The following PCLAF variants were observed in gnomAD, a reference collection of about 807,000 sequenced individuals.
The protein encoded by PCLAF is PCNA clamp associated factor.
A neutral mutation model predicts 15.1 loss-of-function variants in PCLAF; 12 were observed. That is an observed-to-expected ratio of 0.79 (90% CI 0.51 to 1.29). The LOEUF (loss-of-function observed/expected upper bound fraction) is 1.29. Ranked by LOEUF, PCLAF falls within the 50% of genes most tolerant of loss-of-function variation. The probability of loss-of-function intolerance (pLI) is 0.00; values close to 1 mark genes in which losing one functional copy is unlikely to be tolerated. For missense variants in PCLAF, 116 were observed against 130.9 expected, an observed-to-expected ratio of 0.89 and a Z score of 0.56; for synonymous variants, 33 against 47.1, an observed-to-expected ratio of 0.70 and a Z score of 1.22.
intron 2 of PCLAF, among the ~76,000 whole-genome samples, chr15:64,378,548 T>C (rs964780818): frequency 5.3e-5 from 8 of 152,168 alleles, no homozygotes; most frequent in Admixed American, 1.3e-4. Context: ...GAATGGCATA[T>C]AAAAGATAGT....
At chr15:64,382,252 T>G (rs1458031593), upstream of PCLAF, among the ~76,000 whole-genome samples, 1 of 151,146 alleles carries the variant, frequency 6.6e-6, no homozygotes, top group Non-Finnish European at 1.5e-5. Flanking sequence ...ATTAGCCGGG[T>G]GCAGTGGCAT....
rs577460790 is a variant in PCLAF at position 64,379,708 on chromosome 15, G to A, written c.127+1250C>T. Among the ~76,000 whole-genome samples the A allele has an allele frequency of 2.6e-5, 4 of 152,182 alleles. No individual in the cohort carries two copies. In the South Asian group the frequency reaches 6.2e-4, roughly 24 times the overall value. Reference sequence around the variant, plus strand: ...TATGTTCTTAATTAAATCTTGTAGCGTTAATCTCCCTGTCTGCCAAATTTC... The same window carrying A: ...TATGTTCTTAATTAAATCTTGTAGCATTAATCTCCCTGTCTGCCAAATTTC... On this transcript the variant is annotated intron_variant, in intron 2 of 3. Transcript: ENST00000300035.
chr15:64,370,673 G>A (rs1899254948), intron 3 of PCLAF, among the ~76,000 whole-genome samples: 2 of 151,878 alleles, frequency 1.3e-5, no homozygotes, highest in African/African-American at 2.4e-5. Flanking sequence ...CCAGGCTGGA[G>A]TGTCTATTTC....
At chr15:64,380,807 C>G (rs908410430) in intron 2 of PCLAF, 151 bp downstream of exon 2, 1 of 623,536 alleles carries the variant, frequency 1.6e-6, no homozygotes. Context: ...CACCTCTACC[C>G]TAGCCGGCCA....
At chr15:64,377,896 C>T (rs910422013) in intron 2 of PCLAF, among the ~76,000 whole-genome samples, 6 of 150,566 alleles carry the variant, frequency 4.0e-5, no homozygotes, top group Admixed American at 1.3e-4. Flanking sequence ...GGATTACAGG[C>T]GCCCGCCACC....
rs1359509898 is a variant in PCLAF, at chr15:64,380,868, G to GT, written c.127+89dup. ...CACAGGGCAAGGAAGAAATTCGGGC[G>GT]TGAGTACCTCAAGAAAAAGAAATTC... On this transcript the variant is annotated intron_variant, in intron 2 of 3. Transcript: ENST00000300035. The GT allele has an allele frequency of 3.6e-6, 4 of 1,100,270 alleles. No homozygotes were observed. In the Middle Eastern group the frequency reaches 6.1e-4, roughly 169 times the overall value. The allele number at this position is 1,100,270 out of a possible 1,614,324, so 68.2% of individuals were successfully genotyped here. A position where few individuals can be genotyped will look rare whatever the true frequency, so the allele number is the denominator to read the frequency against.
chr15:64,367,362 G>A (rs1191722193), intron 3 of PCLAF, among the ~76,000 whole-genome samples: 1 of 150,598 alleles, frequency 6.6e-6, no homozygotes, highest in East Asian at 2.0e-4. Context: ...AATTAGCCGG[G>A]CATGGTAGCA....
At chr15:64,373,419 A>C in intron 3 of PCLAF, 1 of 346,698 alleles carries the variant, frequency 2.9e-6, no homozygotes, top group Non-Finnish European at 5.1e-6. Context: ...TTTCCTTGCC[A>C]CATTGAACTT....
At chr15:64,371,664 C>T (rs903761615) in intron 3 of PCLAF, among the ~76,000 whole-genome samples, 4 of 152,054 alleles carry the variant, frequency 2.6e-5, no homozygotes, top group African/African-American at 9.7e-5. Flanking sequence ...AGTGCAGTGG[C>T]GCAATCTTGG....
At chr15:64,385,044 C>T (rs1033642538), upstream of PCLAF, among the ~76,000 whole-genome samples, 1 of 151,920 alleles carries the variant, frequency 6.6e-6, no homozygotes, top group Non-Finnish European at 1.5e-5. Context: ...CTTGCCACCA[C>T]ACCTAGCTAA....
At chr15:64,386,764 A>G (rs1447469037) in intron 1 of PCLAF, among the ~76,000 whole-genome samples, 1 of 152,134 alleles carries the variant, frequency 6.6e-6, no homozygotes, top group Non-Finnish European at 1.5e-5. Flanking sequence ...TTTAATTATA[A>G]TATTTATGCC....
chr15:64,373,814 A>G (rs1485586968), intron 3 of PCLAF: 2 of 1,521,740 alleles, frequency 1.3e-6, no homozygotes, highest in Non-Finnish European at 1.8e-6. Context: ...GGGGCATCAT[A>G]ATGGCAGTGA....
chr15:64,374,294 C>T (rs1899493416), intron 3 of PCLAF, among the ~76,000 whole-genome samples: 1 of 152,164 alleles, frequency 6.6e-6, no homozygotes. Flanking sequence ...GTAATCCCAG[C>T]ACTTTGGGAG....
chr15:64,384,119 C>T (rs1899887982), upstream of PCLAF, among the ~76,000 whole-genome samples: 1 of 152,134 alleles, frequency 6.6e-6, no homozygotes, highest in Non-Finnish European at 1.5e-5. Context: ...AATACAATTT[C>T]TGCCTAAATT....
chr15:64,381,503 C>T (rs529794721), upstream of PCLAF: 52 of 1,563,392 alleles, frequency 3.3e-5, no homozygotes, highest in Non-Finnish European at 4.1e-5. Context: ...CAAGGTCTCT[C>T]CCGAGCCACC....
chr15:64,365,876 CACA>C lies in PCLAF; in HGVS notation c.*151_*153del. On this transcript the variant is annotated 3_prime_UTR_variant, in exon 4 of 4. Coordinates refer to ENST00000300035, the MANE Select transcript of PCLAF (RefSeq NM_014736.6). Reference sequence around the variant, plus strand: ...ATTAGTCTTACAAATTCTCAAATTTCACAACTACTTTTGAACATCTAAATTTAA... The same window carrying C: ...ATTAGTCTTACAAATTCTCAAATTTCACTACTTTTGAACATCTAAATTTAA... 1.5e-6 allele frequency: 1 copy of C among 647,260 alleles called. No individual in the cohort carries two copies. The highest frequency in any genetic ancestry group is 2.7e-6 in the Non-Finnish European group (1 of 372,490). The allele number at this position is 647,260 out of a possible 1,614,324, so 40.1% of individuals were successfully genotyped here.
chr15:64,386,942 G>T (rs1191082032), intron 1 of PCLAF, among the ~76,000 whole-genome samples: 2 of 151,838 alleles, frequency 1.3e-5, no homozygotes, highest in Non-Finnish European at 2.9e-5. Flanking sequence ...ATTTTCCCCA[G>T]CCCATTGTCT....
upstream of PCLAF, among the ~76,000 whole-genome samples, chr15:64,384,567 A>AC (rs1475448649): frequency 1.3e-5 from 2 of 150,672 alleles, no homozygotes; most frequent in Non-Finnish European, 1.5e-5. Context: ...AAATGGTGAA[A>AC]CCCCATCTCT....
Position 64,366,020 on chromosome 15 carries a change from T to C in PCLAF, c.*10A>G, listed in dbSNP as rs1161566239. 26 of 1,603,084 alleles carry C rather than the reference T, an allele frequency of 1.6e-5. No homozygotes were observed. The highest frequency in any genetic ancestry group is 2.1e-5 in the Non-Finnish European group (25 of 1,171,752). On this transcript the variant is annotated 3_prime_UTR_variant, in exon 4 of 4. Transcript: ENST00000300035. Reference sequence around the variant, plus strand: ...CAAGGAGACGTTATTCAAAGATGAATGAGAAAGTTCTATTCTTTTTCATCA... The same window carrying C: ...CAAGGAGACGTTATTCAAAGATGAACGAGAAAGTTCTATTCTTTTTCATCA...
Sources: gnomAD v4.1 joint callset for allele counts (sites outside exome capture counted in the v4.1 genomes callset) on GRCh38, gnomAD v4.1.1 for gene constraint, MANE v1.5 for transcripts, NCBI Gene and HGNC (gene_info 2026-07-23, HGNC 2026-07-21) for gene names.